The following SPIDR variants were observed in gnomAD, a reference collection of about 807,000 sequenced individuals.
The protein encoded by SPIDR is scaffold protein involved in DNA repair.
Under a neutral mutation model 104.6 loss-of-function variants are expected in SPIDR, and 93 were observed. The ratio of observed to expected loss-of-function variants is 0.89; its 90% CI spans 0.75 to 1.06. The LOEUF (loss-of-function observed/expected upper bound fraction) is 1.06, where lower values mean the gene tolerates loss of function less well. Among genes scored for constraint, SPIDR ranks in the 50% least tolerant of loss-of-function variants. The pLI is 0.00. For synonymous variants in SPIDR, 431 were observed against 416.9 expected (o/e 1.03, Z -0.41); for missense variants, 1,154 against 1,111.2 (o/e 1.04, Z -0.55).
chr8:47,298,401 G>A (rs2041331609), intron 5 of SPIDR, among the ~76,000 whole-genome samples: 1 of 152,058 alleles, frequency 6.6e-6, no homozygotes, highest in South Asian at 2.1e-4. Context: ...CCATTCTTTA[G>A]GTTGCTGTTC....
Position 47,509,921 on chromosome 8 carries a change from C to A in SPIDR, c.1097+69379C>A, listed in dbSNP as rs368400829. 2.0e-4 allele frequency among the ~76,000 whole-genome samples: 31 copies of A among 151,836 alleles called. 1 individual carries two copies. Among genetic ancestry groups the A allele is most frequent in the African/African-American group, 7.2e-4 (30 of 41,460 alleles). On this transcript the variant is annotated intron_variant, in intron 8 of 19. Coordinates refer to ENST00000297423, the MANE Select transcript of SPIDR (RefSeq NM_001080394.4). ...CTTATGCACATACCACACACATGCA[C>A]ACACACACACACGACACACACTTAA...
chr8:47,265,768 TTA>T (rs2154210689), intron 1 of SPIDR, among the ~76,000 whole-genome samples: 2 of 152,314 alleles, frequency 1.3e-5, no homozygotes, highest in South Asian at 4.1e-4. Flanking sequence ...AATAATTGTT[TTA>T]TAAACTAAAT....
chr8:47,570,726 A>G (rs1251675575), intron 8 of SPIDR, among the ~76,000 whole-genome samples: 2 of 152,186 alleles, frequency 1.3e-5, no homozygotes, highest in African/African-American at 4.8e-5. Flanking sequence ...AGACAACCTA[A>G]TTTTTAAAAT....
At chr8:47,596,590 G>A (rs1388607443) in intron 9 of SPIDR, among the ~76,000 whole-genome samples, 1 of 152,180 alleles carries the variant, frequency 6.6e-6, no homozygotes, top group Non-Finnish European at 1.5e-5. Flanking sequence ...TGAGTGGGGA[G>A]TGAATGTGAA....
At chr8:47,402,472 G>A (rs1408506215) in intron 6 of SPIDR, among the ~76,000 whole-genome samples, 7 of 151,978 alleles carry the variant, frequency 4.6e-5, no homozygotes, top group African/African-American at 1.7e-4. Flanking sequence ...TAATAAAGAA[G>A]AAAAGAGAGA....
At chr8:47,556,595 ATTTTGT>A (rs1490204256) in intron 8 of SPIDR, among the ~76,000 whole-genome samples, 1 of 151,902 alleles carries the variant, frequency 6.6e-6, no homozygotes, top group Admixed American at 6.6e-5. Flanking sequence ...TTATTTTCTT[ATTTTGT>A]TTTTGTTTTT....
chr8:47,558,885 G>A (rs559985475), intron 8 of SPIDR, among the ~76,000 whole-genome samples: 24 of 152,138 alleles, frequency 1.6e-4, no homozygotes, highest in Non-Finnish European at 2.1e-4. Context: ...TGATCCACCC[G>A]CCCTTGGCCT....
chr8:47,661,523 G>C (rs530608560), intron 10 of SPIDR, among the ~76,000 whole-genome samples: 1 of 152,220 alleles, frequency 6.6e-6, no homozygotes, highest in African/African-American at 2.4e-5. Flanking sequence ...TGGAAGCTCC[G>C]TTTTATGAAC....
chr8:47,659,411 TAAA>T (rs1231689667), intron 10 of SPIDR, among the ~76,000 whole-genome samples: 1 of 152,228 alleles, frequency 6.6e-6, no homozygotes, highest in Admixed American at 6.5e-5. Context: ...TTTAAATGAA[TAAA>T]AAACATTTCT....
chr8:47,321,447 A>T (rs1198038480), intron 5 of SPIDR, among the ~76,000 whole-genome samples: 1 of 152,202 alleles, frequency 6.6e-6, no homozygotes, highest in African/African-American at 2.4e-5. Context: ...ATAAAAGAGG[A>T]TACAAACAAA....
chr8:47,631,183 C>T (rs2067018702), intron 10 of SPIDR, among the ~76,000 whole-genome samples: 2 of 152,186 alleles, frequency 1.3e-5, no homozygotes, highest in South Asian at 4.1e-4. Context: ...TGCCCTGCCT[C>T]ATGCAACCCA....
intron 5 of SPIDR, among the ~76,000 whole-genome samples, chr8:47,295,424 T>C (rs2040664392): frequency 6.6e-6 from 1 of 152,208 alleles, no homozygotes; most frequent in Non-Finnish European, 1.5e-5. Flanking sequence ...TAAATGAAAT[T>C]TTGTATCCTT....
intron 11 of SPIDR, among the ~76,000 whole-genome samples, chr8:47,674,641 A>G (rs939466726): frequency 3.3e-5 from 5 of 152,232 alleles, no homozygotes; most frequent in Non-Finnish European, 7.3e-5. Flanking sequence ...ATTAAATTAT[A>G]GTAACATCTG....
chr8:47,518,110 T>C (rs1310287950), intron 8 of SPIDR, among the ~76,000 whole-genome samples: 2 of 152,240 alleles, frequency 1.3e-5, no homozygotes, highest in East Asian at 3.8e-4. Flanking sequence ...ATTCAGTGAG[T>C]ATTCACAGAT....
rs1554668422 is a variant in SPIDR at position 47,407,923 on chromosome 8, G to T, written c.839G>T (p.Trp280Leu). The T allele has an allele frequency of 2.5e-6, 4 of 1,603,994 alleles. No individual in the cohort carries two copies. The highest frequency in any genetic ancestry group is 3.4e-6 in the Non-Finnish European group (4 of 1,173,516). ...CGAGAGAGATCTGCTATTTCTTTGT[G>T]GAGACATCAATGTATTTCTTACCAA... ...QNRERSAISL[W>L]RHQCISYQKT... is the part of the protein sequence containing the mutation. Residue 280 changes from tryptophan to leucine, a missense_variant, in exon 7 of 20, where the codon TGG becomes TTG. Transcript: ENST00000297423.
intron 8 of SPIDR, among the ~76,000 whole-genome samples, chr8:47,559,689 GAGAACAAGGGGCAGT>G (rs2056833650): frequency 6.6e-6 from 1 of 152,334 alleles, no homozygotes; most frequent in Non-Finnish European, 1.5e-5. Flanking sequence ...GTTTAAAGAT[GAGAACAAGGGGCAGT>G]AGCATGTGGT....
chr8:47,722,473 T>C (rs2154492287), intron 16 of SPIDR, among the ~76,000 whole-genome samples: 1 of 152,356 alleles, frequency 6.6e-6, no homozygotes, highest in East Asian at 1.9e-4. Context: ...TTCTCACCAT[T>C]GATTATGATG....
intron 11 of SPIDR, among the ~76,000 whole-genome samples, chr8:47,682,808 A>G (rs1239447760): frequency 6.6e-6 from 1 of 152,218 alleles, no homozygotes; most frequent in Admixed American, 6.5e-5. Context: ...GGAAATAAGA[A>G]CACGGATTTG....
chr8:47,500,248 C>G (rs1269153893), intron 8 of SPIDR, among the ~76,000 whole-genome samples: 5 of 152,168 alleles, frequency 3.3e-5, no homozygotes, highest in Admixed American at 6.5e-5. Flanking sequence ...AACTAGTTTA[C>G]AGTCCCACCA....
Sources: allele counts gnomAD v4.1 joint callset (sites outside exome capture counted in the v4.1 genomes callset), GRCh38; gene constraint gnomAD v4.1.1; transcripts MANE v1.5; gene names NCBI Gene and HGNC (gene_info 2026-07-23, HGNC 2026-07-21).